The following R3HDM2 variants were observed in gnomAD, a reference collection of about 807,000 sequenced individuals.
R3HDM2 encodes R3H domain containing 2.
R3HDM2 carries 38 observed loss-of-function variants against 124.5 expected under a neutral mutation model. That is an observed-to-expected ratio of 0.31 (90% CI 0.24 to 0.40). R3HDM2 has a LOEUF of 0.40. Ranked by LOEUF, R3HDM2 falls within the 10% of genes least tolerant of loss-of-function variation. The probability of loss-of-function intolerance (pLI) is 1.00; values close to 1 mark genes in which losing one functional copy is unlikely to be tolerated. For missense variants in R3HDM2, 869 were observed against 1,236.9 expected (o/e 0.70, Z 4.46); for synonymous variants, 391 against 448.0 (o/e 0.87, Z 1.61).
intron 2 of R3HDM2, among the ~76,000 whole-genome samples, chr12:57,369,182 G>A (rs2063018057): frequency 6.6e-6 from 1 of 152,088 alleles, no homozygotes. Context: ...TCAAGTGTCA[G>A]GAAAATCACA....
At chr12:57,283,768 A>G in intron 13 of R3HDM2, 56 bp downstream of exon 13, 1 of 1,542,138 alleles carries the variant, frequency 6.5e-7, no homozygotes, top group East Asian at 2.3e-5. Context: ...GTGATGTTTC[A>G]CAGGAGACAA....
Position 57,269,987 on chromosome 12 carries a change from TCATCTGCC to T in R3HDM2, c.1345-1_1351del. On this transcript the variant is annotated splice_acceptor_variant and coding_sequence_variant, in exon 15 of 24. Transcript: ENST00000402412. LOFTEE classifies it high-confidence loss of function. ...CATTTGTCCAAAGGGGTTGCTGAGG[TCATCTGCC>T]TGTTGAGAGAGTATAAGACACAGGA... The T allele has an allele frequency of 6.2e-7, 1 of 1,614,190 alleles. No individual in the cohort carries two copies. Among genetic ancestry groups the T allele is most frequent in the Non-Finnish European group, 8.5e-7 (1 of 1,180,032 alleles).
Position 57,397,849 on chromosome 12 carries a change from T to A in R3HDM2, c.-105-2031A>T, listed in dbSNP as rs1212058926. Among the ~76,000 whole-genome samples the A allele has an allele frequency of 2.0e-5, 3 of 152,342 alleles. No homozygotes were observed. The East Asian group carries it at 5.8e-4, about 29-fold the overall frequency. ...AAGAGAATCAAGAGCAACATAATTT[T>A]GACTTTCTTGCCCTAATTGTAATCA... On this transcript the variant is annotated intron_variant, in intron 1 of 23. Coordinates refer to ENST00000402412, the MANE Select transcript of R3HDM2 (RefSeq NM_001394031.1).
intron 2 of R3HDM2, among the ~76,000 whole-genome samples, chr12:57,339,952 G>A (rs2059358800): frequency 6.6e-6 from 1 of 152,218 alleles, no homozygotes; most frequent in South Asian, 2.1e-4. Flanking sequence ...AAAGTAGGGA[G>A]AAAAGGGGAT....
In R3HDM2 at chr12:57,300,902, A is replaced by T. The variant is rs549717389; in HGVS notation, c.208-721T>A. Reference sequence around the variant, plus strand: ...GAAGATCACTTGAGGCCAGGAGGTCACAGTCTGGGCAACATAGTGAGACCC... The same window carrying T: ...GAAGATCACTTGAGGCCAGGAGGTCTCAGTCTGGGCAACATAGTGAGACCC... On this transcript the variant is annotated intron_variant, in intron 4 of 23. Transcript: ENST00000402412. Among the ~76,000 whole-genome samples, 3 of 152,172 alleles carry T rather than the reference A, an allele frequency of 2.0e-5. No individual in the cohort carries two copies. The East Asian group carries it at 5.8e-4, about 29-fold the overall frequency.
At chr12:57,376,493 T>A (rs186894733) in intron 2 of R3HDM2, among the ~76,000 whole-genome samples, 215 of 152,294 alleles carry the variant, frequency 1.4e-3, no homozygotes, top group African/African-American at 5.0e-3. Context: ...GTTCTAACAG[T>A]TTTTTAATTT....
intron 17 of R3HDM2, 72 bp downstream of exon 17, chr12:57,268,850 T>A: frequency 1.3e-6 from 2 of 1,523,214 alleles, no homozygotes; most frequent in Non-Finnish European, 8.9e-7. Flanking sequence ...TTAGTATGGA[T>A]GACCCTGGGA....
chr12:57,426,876 T>G (rs1259356429), intron 1 of R3HDM2, among the ~76,000 whole-genome samples: 1 of 152,132 alleles, frequency 6.6e-6, no homozygotes, highest in African/African-American at 2.4e-5. Context: ...CTAATCACGA[T>G]GAAAAATTCA....
intron 2 of R3HDM2, among the ~76,000 whole-genome samples, chr12:57,341,825 A>G (rs2059594462): frequency 1.3e-5 from 2 of 152,246 alleles, no homozygotes; most frequent in Admixed American, 6.5e-5. Context: ...GCTTCCTGCA[A>G]TGTGCGTCAA....
chr12:57,362,150 G>A (rs184923388), intron 2 of R3HDM2, among the ~76,000 whole-genome samples: 72 of 152,132 alleles, frequency 4.7e-4, no homozygotes, highest in African/African-American at 1.7e-3. Flanking sequence ...AGTCAAAACA[G>A]TCAAACATAA....
chr12:57,373,893 C>T (rs558260347), intron 2 of R3HDM2, among the ~76,000 whole-genome samples: 37 of 151,634 alleles, frequency 2.4e-4, no homozygotes, highest in African/African-American at 8.2e-4. Flanking sequence ...TTTGGGAGGC[C>T]GAGGTGGGCA....
intron 14 of R3HDM2, among the ~76,000 whole-genome samples, chr12:57,278,999 C>A (rs889549250): frequency 6.6e-6 from 1 of 151,836 alleles, no homozygotes; most frequent in Non-Finnish European, 1.5e-5. Context: ...GATGAGGGAG[C>A]CTGGGAGGTA....
intron 2 of R3HDM2, among the ~76,000 whole-genome samples, chr12:57,339,481 C>T (rs576945853): frequency 4.0e-5 from 6 of 151,668 alleles, no homozygotes; most frequent in Admixed American, 6.6e-5. Context: ...GGGTGGATCA[C>T]GAGGTCAGAA....
At chr12:57,428,773 C>CGAG (rs1868732372) in intron 1 of R3HDM2, among the ~76,000 whole-genome samples, 1 of 147,890 alleles carries the variant, frequency 6.8e-6, no homozygotes, top group Non-Finnish European at 1.5e-5. Flanking sequence ...TTGAGACAGT[C>CGAG]TCTCGCTCTG....
chr12:57,354,171 A>ATTTT (rs550827910), intron 2 of R3HDM2, among the ~76,000 whole-genome samples: 1 of 145,428 alleles, frequency 6.9e-6, no homozygotes, highest in Non-Finnish European at 1.5e-5. Flanking sequence ...GCCTGGTCTA[A>ATTTT]TTTTTTTTTT....
At chr12:57,301,294 A>C (rs1289825990) in intron 4 of R3HDM2, among the ~76,000 whole-genome samples, 1 of 152,188 alleles carries the variant, frequency 6.6e-6, no homozygotes, top group Non-Finnish European at 1.5e-5. Context: ...AAAGCTAAAA[A>C]CTATAGGGTG....
intron 2 of R3HDM2, among the ~76,000 whole-genome samples, chr12:57,353,623 C>G (rs1236471975): frequency 6.6e-6 from 1 of 151,838 alleles, no homozygotes; most frequent in Non-Finnish European, 1.5e-5. Context: ...TTATGTTGCT[C>G]AAGCTGGCCT....
chr12:57,341,417 T>C, intron 2 of R3HDM2: 1 of 984,618 alleles, frequency 1.0e-6, no homozygotes, highest in South Asian at 4.7e-5. Flanking sequence ...CTTCCTTCTC[T>C]CCGTCCCCTC....
intron 2 of R3HDM2, among the ~76,000 whole-genome samples, chr12:57,370,637 T>C (rs537792864): frequency 2.0e-5 from 3 of 152,072 alleles, no homozygotes; most frequent in Admixed American, 6.6e-5. Flanking sequence ...CGAAACTCCA[T>C]CTCAAAAGAA....
Sources: gnomAD v4.1 joint callset for allele counts (sites outside exome capture counted in the v4.1 genomes callset) on GRCh38, gnomAD v4.1.1 for gene constraint, MANE v1.5 for transcripts, NCBI Gene and HGNC (gene_info 2026-07-23, HGNC 2026-07-21) for gene names.